The following PPP2R2A variants were observed in gnomAD, a reference collection of about 807,000 sequenced individuals.
PPP2R2A encodes the protein protein phosphatase 2 regulatory subunit Balpha.
PPP2R2A carries 9 observed loss-of-function variants against 53.2 expected under a neutral mutation model. That is an observed-to-expected ratio of 0.17 (90% CI 0.10 to 0.30). The LOEUF (loss-of-function observed/expected upper bound fraction) is 0.30. Among genes scored for constraint, PPP2R2A ranks in the 10% least tolerant of loss-of-function variants. The pLI is 1.00. For synonymous variants in PPP2R2A, 169 were observed against 174.2 expected, an observed-to-expected ratio of 0.97 and a Z score of 0.23; for missense variants, 235 against 534.6, an observed-to-expected ratio of 0.44 and a Z score of 5.53.
rs1041106031 is a variant in PPP2R2A, at chr8:26,332,179, G to A, written c.83-6711G>A. Reference sequence around the variant, plus strand: ...GAGCAAGCCGGCCAACATATTGAAAGCCTGTCTCTACTAAAAATACAAAAA... The same window carrying A: ...GAGCAAGCCGGCCAACATATTGAAAACCTGTCTCTACTAAAAATACAAAAA... On this transcript the variant is annotated intron_variant, in intron 2 of 9. Coordinates refer to ENST00000380737, the MANE Select transcript of PPP2R2A (RefSeq NM_002717.4). Among the ~76,000 whole-genome samples, 7 of 151,878 alleles carry A rather than the reference G, an allele frequency of 4.6e-5. No homozygotes were observed. The East Asian group carries it at 1.4e-3, about 29-fold the overall frequency.
Position 26,360,739 on chromosome 8 carries a change from G to T in PPP2R2A, c.460-235G>T. On this transcript the variant is annotated intron_variant, in intron 5 of 9. Transcript: ENST00000380737. This position sits in a 1 kb window ranked among gnomAD's most constrained non-coding sequence, Gnocchi z 4.5. ...CTTTCAAGCAAAATATTGAAACTAA[G>T]AACTGCAAATTCTAATAGTATTGCA... 2.2e-6 allele frequency: 1 copy of T among 447,506 alleles called. No homozygotes were observed. The highest frequency in any genetic ancestry group is 3.9e-6 in the Non-Finnish European group (1 of 257,798). The allele number at this position is 447,506 out of a possible 1,614,324, so 27.7% of individuals were successfully genotyped here. A position where few individuals can be genotyped will look rare whatever the true frequency, so the allele number is the denominator to read the frequency against.
In PPP2R2A at chr8:26,362,938, C is replaced by T. The variant is rs2117412757; in HGVS notation, c.802+90C>T. ...CATGATAAGTACAATTACAGAGGTTCAAAGTCTTAAACCCGTGTGTCCAGA... is the reference window on the plus strand; with the variant it reads ...CATGATAAGTACAATTACAGAGGTTTAAAGTCTTAAACCCGTGTGTCCAGA... On this transcript the variant is annotated intron_variant, in intron 7 of 9. Coordinates refer to ENST00000380737, the MANE Select transcript of PPP2R2A (RefSeq NM_002717.4). The surrounding 1 kb of genome is among the most constrained non-coding windows in gnomAD (Gnocchi z 4.4). 7.6e-7 allele frequency: 1 copy of T among 1,308,796 alleles called. No homozygotes were observed. The highest frequency in any genetic ancestry group is 1.3e-5 in the South Asian group (1 of 78,282). 81.1% of individuals were successfully genotyped at this position (1,308,796 alleles called of 1,614,324 possible). A position where few individuals can be genotyped will look rare whatever the true frequency, so the allele number is the denominator to read the frequency against.
At chr8:26,339,315 C>T (rs961186658) in intron 3 of PPP2R2A, among the ~76,000 whole-genome samples, 2 of 152,086 alleles carry the variant, frequency 1.3e-5, no homozygotes, top group South Asian at 2.1e-4. Flanking sequence ...TTTGAAACTC[C>T]GTAAAGCAAA....
chr8:26,360,895 A>G lies in PPP2R2A; in HGVS notation c.460-79A>G. On this transcript the variant is annotated intron_variant, in intron 5 of 9. Coordinates refer to ENST00000380737, the MANE Select transcript of PPP2R2A (RefSeq NM_002717.4). This position sits in a 1 kb window ranked among gnomAD's most constrained non-coding sequence, Gnocchi z 4.5. ...ATTTTATGTTCTCAAAAACTGAAAT[A>G]ATGAAGTTTTCTGAATCTTAATTGC... 2.2e-6 allele frequency: 3 copies of G among 1,372,072 alleles called. No homozygotes were observed. The highest frequency in any genetic ancestry group is 3.0e-6 in the Non-Finnish European group (3 of 1,005,790). 85.0% of individuals were successfully genotyped at this position (1,372,072 alleles called of 1,614,324 possible).
chr8:26,372,572 C>G lies in PPP2R2A; in HGVS notation c.*2159C>G, dbSNP rs1407914032. On this transcript the variant is annotated 3_prime_UTR_variant, in exon 10 of 10. Transcript: ENST00000380737. ...TATTATAAATTATTGTTAACATTCT[C>G]AAGTATTAATTTTTTAATTTCATTG... The G allele has an allele frequency of 6.6e-6, 1 of 152,144 alleles. No homozygotes were observed. Among genetic ancestry groups the G allele is most frequent in the East Asian group, 1.9e-4 (1 of 5,196 alleles). 9.4% of individuals were successfully genotyped at this position (152,144 alleles called of 1,614,324 possible).
intron 2 of PPP2R2A, among the ~76,000 whole-genome samples, chr8:26,298,770 C>T (rs1033490193): frequency 6.6e-6 from 1 of 152,178 alleles, no homozygotes; most frequent in Non-Finnish European, 1.5e-5. Flanking sequence ...CATCACTGGA[C>T]CCTTTCCCAT....
At position 26,362,775 on chromosome 8, in the gene PPP2R2A, A is replaced by T. The variant is rs1247354809; in HGVS notation, c.729A>T (p.Val243=). The T allele has an allele frequency of 6.2e-7, 1 of 1,613,498 alleles. No homozygotes were observed. The highest frequency in any genetic ancestry group is 1.7e-5 in the Admixed American group (1 of 60,034). The change falls in exon 7 of 10, where the codon GTA becomes GTT. Residue 243 remains valine, a synonymous_variant. Transcript: ENST00000380737. This position sits in a 1 kb window ranked among gnomAD's most constrained non-coding sequence, Gnocchi z 4.4. ...EFHPNSCNTF[V]YSSSKGTIRL... ...ATCCAAACAGCTGTAACACATTTGT[A>T]TACAGCAGCAGTAAAGGAACTATTC...
chr8:26,365,612 AATTAAT>A (rs1300664017), intron 8 of PPP2R2A: 1 of 152,202 alleles, frequency 6.6e-6, no homozygotes, highest in Non-Finnish European at 1.5e-5. Flanking sequence ...TTTTGTTTGT[AATTAAT>A]ATTAATGTTG....
chr8:26,358,440 A>T (rs1281157511), intron 4 of PPP2R2A, among the ~76,000 whole-genome samples: 2 of 152,356 alleles, frequency 1.3e-5, no homozygotes, highest in East Asian at 3.9e-4. Context: ...AATCTGTATG[A>T]CTGAACTACA....
chr8:26,345,463 A>G (rs1200725038), intron 3 of PPP2R2A, among the ~76,000 whole-genome samples: 1 of 152,242 alleles, frequency 6.6e-6, no homozygotes, highest in Non-Finnish European at 1.5e-5. Context: ...AACTTTTGGT[A>G]TATACCAAAG....
intron 2 of PPP2R2A, among the ~76,000 whole-genome samples, chr8:26,336,608 G>T (rs979784705): frequency 6.6e-6 from 1 of 152,150 alleles, no homozygotes; most frequent in African/African-American, 2.4e-5. Context: ...GCTGGGTATG[G>T]TAGCGCTTGC....
At chr8:26,293,159 T>C in intron 1 of PPP2R2A, 1 of 1,346,308 alleles carries the variant, frequency 7.4e-7, no homozygotes, top group East Asian at 2.5e-5. Context: ...TTGCTGGTAA[T>C]GAATGCAAAG....
chr8:26,360,109 A>G lies in PPP2R2A; in HGVS notation c.347-60A>G. The G allele has an allele frequency of 1.1e-6, 1 of 898,364 alleles. No homozygotes were observed. The allele number at this position is 898,364 out of a possible 1,614,324, so 55.6% of individuals were successfully genotyped here. A position where few individuals can be genotyped will look rare whatever the true frequency, so the allele number is the denominator to read the frequency against. ...TGAAATGTGAAATAGCATATTTTAAATGCCTTAAAATGTTTTTCTTCTTCA... is the reference window on the plus strand; with the variant it reads ...TGAAATGTGAAATAGCATATTTTAAGTGCCTTAAAATGTTTTTCTTCTTCA... On this transcript the variant is annotated intron_variant, in intron 4 of 9. Transcript: ENST00000380737. The surrounding 1 kb of genome is among the most constrained non-coding windows in gnomAD (Gnocchi z 4.5).
At chr8:26,305,820 T>C (rs1441659551) in intron 2 of PPP2R2A, among the ~76,000 whole-genome samples, 2 of 152,174 alleles carry the variant, frequency 1.3e-5, no homozygotes, top group East Asian at 3.8e-4. Flanking sequence ...CTGCTTGATA[T>C]TGAGATGGGG....
chr8:26,356,491 C>T (rs1161159689), intron 4 of PPP2R2A, among the ~76,000 whole-genome samples: 1 of 152,182 alleles, frequency 6.6e-6, no homozygotes, highest in East Asian at 1.9e-4. Flanking sequence ...AATCACAGCA[C>T]TATGGGTGGA....
intron 2 of PPP2R2A, among the ~76,000 whole-genome samples, chr8:26,317,587 G>A (rs1431843368): frequency 6.6e-6 from 1 of 152,162 alleles, no homozygotes; most frequent in Non-Finnish European, 1.5e-5. Flanking sequence ...TTTACTAAAT[G>A]TACACTTTGT....
intron 2 of PPP2R2A, among the ~76,000 whole-genome samples, chr8:26,336,982 T>C (rs1233371367): frequency 6.6e-6 from 1 of 152,144 alleles, no homozygotes; most frequent in African/African-American, 2.4e-5. Context: ...TGACATCTCC[T>C]TACTAAGTGA....
intron 2 of PPP2R2A, among the ~76,000 whole-genome samples, chr8:26,314,887 T>TCCC (rs1802466504): frequency 4.0e-5 from 1 of 25,028 alleles, no homozygotes; most frequent in Non-Finnish European, 7.2e-5. Flanking sequence ...TTTTTTTCCC[T>TCCC]TCCCCCCCCC....
At chr8:26,353,092 G>T (rs1413912469) in intron 3 of PPP2R2A, among the ~76,000 whole-genome samples, 1 of 152,176 alleles carries the variant, frequency 6.6e-6, no homozygotes, top group East Asian at 1.9e-4. Flanking sequence ...GTGAGACTGG[G>T]TGAGTCATTT....
Sources: gnomAD v4.1 joint callset for allele counts (sites outside exome capture counted in the v4.1 genomes callset) on GRCh38, gnomAD v4.1.1 for gene constraint, Gnocchi (gnomAD v3.1) non-coding constraint, MANE v1.5 for transcripts, NCBI Gene and HGNC (gene_info 2026-07-23, HGNC 2026-07-21) for gene names.